Variants in SOS2 observed in about 807,000 individuals in gnomAD.
SOS2 encodes SOS Ras/Rho guanine nucleotide exchange factor 2, also known as son of sevenless homolog 2.
A neutral mutation model predicts 148.2 loss-of-function variants in SOS2; 65 were observed. The ratio of observed to expected loss-of-function variants is 0.44; its 90% CI spans 0.36 to 0.54. The LOEUF (loss-of-function observed/expected upper bound fraction) is 0.54, where lower values mean the gene tolerates loss of function less well. Ranked by LOEUF, SOS2 falls within the 20% of genes least tolerant of loss-of-function variation. The pLI is 0.00. For synonymous variants in SOS2, 539 were observed against 537.1 expected, an observed-to-expected ratio of 1.00 and a Z score of -0.05; for missense variants, 1,341 against 1,590.2, an observed-to-expected ratio of 0.84 and a Z score of 2.67.
At position 50,147,685 on chromosome 14, in the gene SOS2, G is replaced by C. The variant is rs2139586743; in HGVS notation, c.2385-2089C>G. ...TAAGATTTGGGAGAATTACACAAAGGATTTCAATTTTATCTAAAATGTTTT... is the reference window on the plus strand; with the variant it reads ...TAAGATTTGGGAGAATTACACAAAGCATTTCAATTTTATCTAAAATGTTTT... On this transcript the variant is annotated intron_variant, in intron 14 of 22. Coordinates refer to ENST00000216373, the MANE Select transcript of SOS2 (RefSeq NM_006939.4). Among the ~76,000 whole-genome samples the C allele has an allele frequency of 1.3e-5, 2 of 152,272 alleles. 1 individual carries two copies. The highest frequency in any genetic ancestry group is 4.1e-4 in the South Asian group (2 of 4,826).
chr14:50,220,543 A>G (rs767369892), intron 1 of SOS2, among the ~76,000 whole-genome samples: 1 of 152,180 alleles, frequency 6.6e-6, no homozygotes, highest in African/African-American at 2.4e-5. Context: ...TAAACTCCAT[A>G]AAATTTGTTT....
chr14:50,179,046 T>C (rs1348349706), intron 7 of SOS2, among the ~76,000 whole-genome samples: 1 of 151,850 alleles, frequency 6.6e-6, no homozygotes, highest in Non-Finnish European at 1.5e-5. Context: ...AGCCTTCAGG[T>C]ATACAGGAAC....
intron 8 of SOS2, among the ~76,000 whole-genome samples, chr14:50,173,865 T>A (rs1401291270): frequency 1.3e-5 from 2 of 152,180 alleles, no homozygotes; most frequent in African/African-American, 4.8e-5. Context: ...CCTTAATTTT[T>A]AAAAATAAGG....
intron 18 of SOS2, among the ~76,000 whole-genome samples, chr14:50,136,754 G>T (rs948949177): frequency 1.3e-5 from 2 of 151,674 alleles, no homozygotes; most frequent in Non-Finnish European, 2.9e-5. Context: ...CACACCCAGC[G>T]AATTTTTGTA....
At chr14:50,190,187 T>A (rs1326346230) in intron 4 of SOS2, among the ~76,000 whole-genome samples, 1 of 151,872 alleles carries the variant, frequency 6.6e-6, no homozygotes, top group African/African-American at 2.4e-5. Context: ...AATACTTTTT[T>A]TTAAAAAAAA....
intron 14 of SOS2, among the ~76,000 whole-genome samples, chr14:50,147,963 C>T (rs184466914): frequency 0.02 from 3,100 of 151,896 alleles, 66 homozygotes; most frequent in Non-Finnish European, 0.026. Context: ...TCTTTTTTTT[C>T]TTTTTAATTG....
intron 21 of SOS2, among the ~76,000 whole-genome samples, chr14:50,123,621 G>A (rs574577027): frequency 7.9e-5 from 12 of 152,068 alleles, no homozygotes; most frequent in Non-Finnish European, 1.5e-4. Flanking sequence ...GACCTCAGGT[G>A]ATCCGCCTGC....
Position 50,130,082 on chromosome 14 carries a change from G to A in SOS2, c.3338-80C>T, listed in dbSNP as rs73281476. The A allele has an allele frequency of 2.8e-3, 2,322 of 830,694 alleles. 30 individuals carry two copies. The African/African-American group carries it at 0.035, about 12-fold the overall frequency. 51.5% of individuals were successfully genotyped at this position (830,694 alleles called of 1,614,324 possible). On this transcript the variant is annotated intron_variant, in intron 20 of 22. Transcript: ENST00000216373. ...TTTTAAATGTTTCCATAAATAATACGTAATACACAGTGCAGAATTTTATCA... is the reference window on the plus strand; with the variant it reads ...TTTTAAATGTTTCCATAAATAATACATAATACACAGTGCAGAATTTTATCA...
chr14:50,160,883 T>C (rs776527979), intron 9 of SOS2, among the ~76,000 whole-genome samples: 1 of 152,072 alleles, frequency 6.6e-6, no homozygotes, highest in Non-Finnish European at 1.5e-5. Context: ...GCCACCCAGC[T>C]ACTCGAGTCC....
intron 4 of SOS2, among the ~76,000 whole-genome samples, chr14:50,193,119 C>T (rs769602453): frequency 3.3e-5 from 5 of 152,130 alleles, no homozygotes; most frequent in Non-Finnish European, 5.9e-5. Context: ...GGATGCACCA[C>T]CACACCCAGC....
chr14:50,157,619 GC>G (rs1172206007), intron 11 of SOS2, among the ~76,000 whole-genome samples: 1 of 152,104 alleles, frequency 6.6e-6, no homozygotes, highest in African/African-American at 2.4e-5. Flanking sequence ...TCTAACGTGT[GC>G]TTTCCTTATT....
At chr14:50,227,243 C>CTTTTTTTTTTTTTTTTTTTTTTTTT (rs374477701) in intron 1 of SOS2, among the ~76,000 whole-genome samples, 1 of 112,650 alleles carries the variant, frequency 8.9e-6, no homozygotes, top group Non-Finnish European at 1.7e-5. Flanking sequence ...TTCTTTCTTT[C>CTTTTTTTTTTTTTTTTTTTTTTTTT]TTTCTTTTTT....
chr14:50,176,922 A>C (rs1594995532), intron 7 of SOS2, among the ~76,000 whole-genome samples: 2 of 151,722 alleles, frequency 1.3e-5, no homozygotes, highest in African/African-American at 4.8e-5. Flanking sequence ...AGGCAGGAGG[A>C]CTCCTTAAAC....
chr14:50,202,476 T>C (rs1162860768), intron 2 of SOS2, among the ~76,000 whole-genome samples: 1 of 152,186 alleles, frequency 6.6e-6, no homozygotes, highest in Non-Finnish European at 1.5e-5. Context: ...CCCATGCCTC[T>C]AAGTCTCAGC....
At chr14:50,178,336 G>C (rs986674105) in intron 7 of SOS2, among the ~76,000 whole-genome samples, 6 of 152,136 alleles carry the variant, frequency 3.9e-5, no homozygotes, top group African/African-American at 1.4e-4. Context: ...AGACGTGCCT[G>C]CTTCCCTTTT....
At chr14:50,226,549 C>T (rs1194316123) in intron 1 of SOS2, among the ~76,000 whole-genome samples, 1 of 152,192 alleles carries the variant, frequency 6.6e-6, no homozygotes, top group Non-Finnish European at 1.5e-5. Context: ...TTAATTAACC[C>T]AGACATTCTC....
intron 18 of SOS2, 87 bp from the exon 19 acceptor site, chr14:50,134,326 CT>C (rs1884004497): frequency 3.1e-6 from 2 of 654,074 alleles, no homozygotes; most frequent in Non-Finnish European, 5.3e-6. Context: ...AAATTTTTTG[CT>C]GAAAATTACT....
chr14:50,182,327 G>A, intron 6 of SOS2, 136 bp downstream of exon 6: 1 of 730,386 alleles, frequency 1.4e-6, no homozygotes, highest in Non-Finnish European at 2.2e-6. Flanking sequence ...ACCACAGATG[G>A]GCACTACCAT....
Position 50,120,295 on chromosome 14 carries a change from G to A in SOS2, c.3469C>T (p.His1157Tyr). 1 of 1,590,228 alleles carries A rather than the reference G, an allele frequency of 6.3e-7. No homozygotes were observed. Among genetic ancestry groups the A allele is most frequent in the Non-Finnish European group, 8.6e-7 (1 of 1,159,986 alleles). ...ATTACCTTGGAATTTGAAGCATCAT[G>A]ATCAAACTTTTTTCGAGGAGGAAGA... ...PPLPPRKKFD[H>Y]DASNSKGNMK... The change falls in exon 22 of 23, where the codon CAT becomes TAT. Residue 1157 changes from histidine (H) to tyrosine (Y), a missense_variant. This residue lies in a region of SOS2 where 354 missense variants were observed against 347.7 expected (regional missense o/e 1.02). Coordinates refer to ENST00000216373, the MANE Select transcript of SOS2 (RefSeq NM_006939.4).
Sources: gnomAD v4.1 joint callset for allele counts (sites outside exome capture counted in the v4.1 genomes callset) on GRCh38, gnomAD v4.1.1 for gene constraint, gnomAD v4.1.1 regional missense constraint, MANE v1.5 for transcripts, NCBI Gene and HGNC (gene_info 2026-07-23, HGNC 2026-07-21) for gene names.